Variants in SCN8A observed in about 807,000 individuals in gnomAD.
SCN8A encodes sodium voltage-gated channel alpha subunit 8, also known as sodium channel protein type 8 subunit alpha.
Under a neutral mutation model 184.1 loss-of-function variants are expected in SCN8A, and 30 were observed. The observed-to-expected ratio is 0.16, with a 90% CI of 0.12 to 0.22. The LOEUF is 0.22. SCN8A is among the 10% of genes least tolerant of loss of function. SCN8A has a pLI of 1.00. For synonymous variants in SCN8A, 852 were observed against 907.0 expected (o/e 0.94, Z 1.09); for missense variants, 1,057 against 2,498.9 (o/e 0.42, Z 12.30).
rs758891499 is a variant in SCN8A at position 51,662,825 on chromosome 12, C to T, written c.8C>T (p.Ala3Val). 1.4e-5 allele frequency: 22 copies of T among 1,613,542 alleles called. No homozygotes were observed. In the Middle Eastern group the frequency reaches 6.6e-4, roughly 48 times the overall value. The change falls in exon 2 of 27, where the codon GCG becomes GTG. Residue 3 changes from alanine (A) to valine (V), a missense_variant. Ala to Val is a moderately conservative substitution (Grantham distance 64, BLOSUM62 0). Transcript: ENST00000627620. MAARLLAPPGPDS... is the reference protein window; with the variant it reads MAVRLLAPPGPDS... ...CTGCTGCAGGATGAGAAGATGGCAG[C>T]GCGGCTGCTTGCACCACCAGGCCCT...
chr12:51,721,125 T>C (rs1316234458), intron 11 of SCN8A, among the ~76,000 whole-genome samples: 2 of 134,646 alleles, frequency 1.5e-5, no homozygotes, highest in Admixed American at 7.5e-5. Flanking sequence ...TTTATTGTTA[T>C]ATATATAATA....
chr12:51,639,275 G>A (rs892770472), intron 1 of SCN8A, among the ~76,000 whole-genome samples: 1 of 151,942 alleles, frequency 6.6e-6, no homozygotes, highest in East Asian at 1.9e-4. Flanking sequence ...GCTGAAAGTC[G>A]TTTCCTGAGA....
chr12:51,754,140 G>C (rs1269115617), intron 14 of SCN8A, among the ~76,000 whole-genome samples: 1 of 152,130 alleles, frequency 6.6e-6, no homozygotes, highest in Non-Finnish European at 1.5e-5. Flanking sequence ...ATGTTTTATA[G>C]AGGAAATTGA....
intron 2 of SCN8A, among the ~76,000 whole-genome samples, chr12:51,676,841 A>G (rs2138694674): frequency 6.6e-6 from 1 of 152,238 alleles, no homozygotes; most frequent in East Asian, 1.9e-4. Flanking sequence ...ATGCCTGCAG[A>G]TTACCTTTGC....
intron 1 of SCN8A, among the ~76,000 whole-genome samples, chr12:51,647,927 C>T (rs771398758): frequency 5.9e-5 from 9 of 152,196 alleles, no homozygotes; most frequent in East Asian, 3.9e-4. Flanking sequence ...AGAGCTGTCT[C>T]GCAGTCCTCA....
chr12:51,753,502 G>A (rs1304082652), intron 14 of SCN8A, among the ~76,000 whole-genome samples: 8 of 152,198 alleles, frequency 5.3e-5, no homozygotes. Context: ...AGGAAGTTGG[G>A]TACGTGCTGG....
At position 51,751,383 on chromosome 12, in the gene SCN8A, G is replaced by A. The variant is rs967922373; in HGVS notation, c.2160G>A (p.Pro720=). 1.1e-5 allele frequency: 17 copies of A among 1,613,566 alleles called. No homozygotes were observed. The highest frequency in any genetic ancestry group is 1.6e-4 in the Middle Eastern group (1 of 6,080). The change falls in exon 14 of 27, where the codon CCG becomes CCA. Residue 720 remains proline (P), a synonymous_variant. Coordinates refer to ENST00000627620, the MANE Select transcript of SCN8A (RefSeq NM_001330260.2). ...TGGAAGAGTCTCAGAGAAAGTGCCC[G>A]CCATGCTGGTATAAATTTGCCAACA... The part of the protein sequence containing the change: ...EELEESQRKC[P]PCWYKFANTF...
intron 1 of SCN8A, among the ~76,000 whole-genome samples, chr12:51,624,780 A>G (rs918646270): frequency 6.6e-5 from 10 of 152,080 alleles, no homozygotes; most frequent in African/African-American, 9.7e-5. Flanking sequence ...ATCTTGAATT[A>G]ATTTTTGTAT....
At chr12:51,608,348 C>G (rs193142547) in intron 1 of SCN8A, among the ~76,000 whole-genome samples, 10 of 152,140 alleles carry the variant, frequency 6.6e-5, no homozygotes, top group Non-Finnish European at 1.3e-4. Flanking sequence ...TAGAATTCTG[C>G]TGTGAATCCT....
chr12:51,650,368 C>G (rs758097461), intron 1 of SCN8A, among the ~76,000 whole-genome samples: 1 of 152,160 alleles, frequency 6.6e-6, no homozygotes, highest in Admixed American at 6.5e-5. Context: ...TCTACTGGTG[C>G]CAATTTACTG....
At chr12:51,653,062 G>A (rs868034506) in intron 1 of SCN8A, among the ~76,000 whole-genome samples, 1 of 152,166 alleles carries the variant, frequency 6.6e-6, no homozygotes, top group Non-Finnish European at 1.5e-5. Flanking sequence ...GCTCACGCCT[G>A]TAATCCCAGC....
rs764760539 is a variant in SCN8A, at chr12:51,806,745, T to C, written c.5259T>C (p.Ser1753=). The C allele has an allele frequency of 4.1e-5, 66 of 1,614,042 alleles. No individual in the cohort carries two copies. The highest frequency in any genetic ancestry group is 5.3e-5 in the Non-Finnish European group (63 of 1,180,018). ...TCTTTGTAAGCTACATCATCATCTC[T>C]TTCCTAATTGTCGTGAACATGTACA... ...IFFFVSYIII[S]FLIVVNMYIA... is the part of the protein sequence containing the mutation. The change falls in exon 27 of 27, where the codon TCT becomes TCC. Residue 1753 remains serine (S), a synonymous_variant. Coordinates refer to ENST00000627620, the MANE Select transcript of SCN8A (RefSeq NM_001330260.2). This position sits in a 1 kb window ranked among gnomAD's most constrained non-coding sequence, Gnocchi z 8.7.
intron 6 of SCN8A, among the ~76,000 whole-genome samples, chr12:51,690,616 C>G (rs1289452929): frequency 1.3e-5 from 2 of 152,212 alleles, no homozygotes; most frequent in Non-Finnish European, 2.9e-5. Context: ...CCTGCATCAG[C>G]CTCCCAAAGT....
chr12:51,657,552 A>T (rs1453263411), intron 1 of SCN8A, among the ~76,000 whole-genome samples: 2 of 152,076 alleles, frequency 1.3e-5, no homozygotes, highest in African/African-American at 4.8e-5. Context: ...ATAGTTCACA[A>T]ATATTTTCTC....
chr12:51,700,182 CAA>C (rs72138274), intron 7 of SCN8A, among the ~76,000 whole-genome samples: 1 of 147,448 alleles, frequency 6.8e-6, no homozygotes, highest in African/African-American at 2.5e-5. Flanking sequence ...AAAAAAAAAA[CAA>C]AAAAAAAAAG....
intron 1 of SCN8A, among the ~76,000 whole-genome samples, chr12:51,634,785 A>T (rs952183450): frequency 3.3e-5 from 5 of 151,540 alleles, no homozygotes; most frequent in African/African-American, 1.2e-4. Flanking sequence ...AGTAGCTGGG[A>T]TTACAGGTGC....
intron 1 of SCN8A, among the ~76,000 whole-genome samples, chr12:51,636,363 T>C (rs1940318438): frequency 6.6e-6 from 1 of 152,214 alleles, no homozygotes; most frequent in African/African-American, 2.4e-5. Context: ...TGTTTGTATC[T>C]GGAGTAAGTC....
intron 12 of SCN8A, among the ~76,000 whole-genome samples, chr12:51,730,444 A>C (rs1470081798): frequency 6.6e-6 from 1 of 152,212 alleles, no homozygotes; most frequent in Non-Finnish European, 1.5e-5. Context: ...AATTCTTGAA[A>C]TGTGGTAGTA....
intron 1 of SCN8A, among the ~76,000 whole-genome samples, chr12:51,608,021 CTTT>C (rs749172465): frequency 5.2e-5 from 7 of 133,466 alleles, no homozygotes; most frequent in Admixed American, 2.3e-4. Context: ...TTTCTTTTTC[CTTT>C]TTTTTTTTTT....
Sources: allele counts gnomAD v4.1 joint callset (sites outside exome capture counted in the v4.1 genomes callset), GRCh38; gene constraint gnomAD v4.1.1; non-coding constraint Gnocchi (gnomAD v3.1); transcripts MANE v1.5; gene names NCBI Gene and HGNC (gene_info 2026-07-23, HGNC 2026-07-21).